The following UBAP2 variants were observed in gnomAD, a reference collection of about 807,000 sequenced individuals.
UBAP2 encodes ubiquitin-associated protein 2.
UBAP2 carries 75 observed loss-of-function variants against 139.6 expected under a neutral mutation model. That is an observed-to-expected ratio of 0.54 (90% CI 0.45 to 0.65). The LOEUF is 0.65. Ranked by LOEUF, UBAP2 falls within the 30% of genes least tolerant of loss-of-function variation. UBAP2 has a pLI of 0.00. For missense variants in UBAP2, 1,368 were observed against 1,369.6 expected, an observed-to-expected ratio of 1.00 and a Z score of 0.02; for synonymous variants, 526 against 526.2, an observed-to-expected ratio of 1.00 and a Z score of 0.01.
At chr9:34,040,592 A>C (rs1330344753) in intron 1 of UBAP2, among the ~76,000 whole-genome samples, 1 of 152,156 alleles carries the variant, frequency 6.6e-6, no homozygotes, top group Non-Finnish European at 1.5e-5. Flanking sequence ...ATTAAAAAGA[A>C]GTTAGCAAGT....
intron 6 of UBAP2, among the ~76,000 whole-genome samples, chr9:33,983,071 G>A (rs987541377): frequency 6.6e-6 from 1 of 151,786 alleles, no homozygotes; most frequent in Admixed American, 6.6e-5. Flanking sequence ...GTAGAGACAG[G>A]GTTTCACTAT....
intron 4 of UBAP2, chr9:33,995,476 AATATATTTATATTATTAAATAT>A (rs1242921752): frequency 0.011 from 1,588 of 138,224 alleles, 40 homozygotes; most frequent in African/African-American, 0.04. Context: ...TAAATATATA[AATATATTTATATTATTAAATAT>A]ATATATTTAT....
chr9:33,972,088 T>TA (rs1183390957), intron 7 of UBAP2, among the ~76,000 whole-genome samples: 2 of 152,188 alleles, frequency 1.3e-5, no homozygotes, highest in African/African-American at 4.8e-5. Context: ...TGCTGAAAAA[T>TA]AAGGCATAAA....
intron 1 of UBAP2, among the ~76,000 whole-genome samples, chr9:34,038,954 C>A (rs1251866832): frequency 1.4e-5 from 2 of 146,214 alleles, no homozygotes; most frequent in South Asian, 2.2e-4. Context: ...ATGTGAGGAG[C>A]GCCTCTGCCC....
intron 1 of UBAP2, among the ~76,000 whole-genome samples, chr9:34,022,592 T>C (rs894929651): frequency 7.9e-5 from 12 of 151,902 alleles, no homozygotes; most frequent in African/African-American, 2.9e-4. Context: ...TGTGCCACCG[T>C]GCCCAGCCGA....
At chr9:33,965,454 G>A (rs1329386700) in intron 8 of UBAP2, among the ~76,000 whole-genome samples, 1 of 152,046 alleles carries the variant, frequency 6.6e-6, no homozygotes, top group Non-Finnish European at 1.5e-5. Context: ...TTGATAAAAT[G>A]TACTTTGTCA....
chr9:33,924,434 G>T, intron 22 of UBAP2, 150 bp from the exon 23 acceptor site: 1 of 760,274 alleles, frequency 1.3e-6, no homozygotes, highest in Non-Finnish European at 2.2e-6. Context: ...AGTAAATGGT[G>T]CCCCTCGGAA....
At chr9:33,923,546 CCAGAGCCTAAGG>C (rs1823130225) in intron 24 of UBAP2, 68 bp from the exon 25 acceptor site, 7 of 1,496,164 alleles carry the variant, frequency 4.7e-6, no homozygotes, top group African/African-American at 1.4e-5. Context: ...GGTACCCCTG[CCAGAGCCTAAGG>C]CAGCAGGTGA....
At chr9:33,931,583 C>T (rs150391628) in intron 19 of UBAP2, among the ~76,000 whole-genome samples, 22 of 152,308 alleles carry the variant, frequency 1.4e-4, no homozygotes, top group Non-Finnish European at 2.4e-4. Context: ...GGTGTCCACA[C>T]TATGCTCTCC....
chr9:33,992,662 G>T (rs956642293), intron 4 of UBAP2, among the ~76,000 whole-genome samples: 4 of 149,628 alleles, frequency 2.7e-5, no homozygotes, highest in African/African-American at 4.9e-5. Flanking sequence ...GGGCGGAGGG[G>T]GGGGGGCACA....
In UBAP2 at chr9:33,933,169, G is replaced by C. The variant is rs189072750; in HGVS notation, c.2108+321C>G. 7.5e-3 allele frequency among the ~76,000 whole-genome samples: 1,144 copies of C among 152,230 alleles called. 11 individuals are homozygous for C. The highest frequency in any genetic ancestry group is 9.3e-3 in the Non-Finnish European group (635 of 68,016). ...CATTCTCATTCCACCTCAGTGACAT[G>C]GGCCCAGCGATGCCCAGAGAGGCTA... On this transcript the variant is annotated intron_variant, in intron 18 of 28. Transcript: ENST00000379238.
intron 10 of UBAP2, 94 bp downstream of exon 10, chr9:33,960,732 A>C (rs1169388828): frequency 1.8e-5 from 22 of 1,250,012 alleles, no homozygotes; most frequent in Non-Finnish European, 2.4e-5. Flanking sequence ...ATGAGCCAAG[A>C]TCACGCCATT....
intron 1 of UBAP2, among the ~76,000 whole-genome samples, chr9:34,029,434 CAGG>C (rs1825695014): frequency 6.6e-6 from 1 of 151,468 alleles, no homozygotes; most frequent in Non-Finnish European, 1.5e-5. Flanking sequence ...GAGGCTGAGG[CAGG>C]AGAATTGCTT....
chr9:33,976,834 TA>T (rs571922360), intron 6 of UBAP2, among the ~76,000 whole-genome samples: 1 of 144,362 alleles, frequency 6.9e-6, no homozygotes. Context: ...CCATCTCTAC[TA>T]AAAAAAATGT....
At chr9:33,935,590 G>C in intron 17 of UBAP2, 1 of 547,992 alleles carries the variant, frequency 1.8e-6, no homozygotes, top group Non-Finnish European at 3.2e-6. Flanking sequence ...AATGCATACT[G>C]TATGCTGCAC....
intron 2 of UBAP2, among the ~76,000 whole-genome samples, chr9:34,000,356 G>A (rs908410093): frequency 6.6e-6 from 1 of 152,218 alleles, no homozygotes; most frequent in East Asian, 1.9e-4. Flanking sequence ...TTCGTTTTCT[G>A]ATGTTTTTAC....
At chr9:33,932,173 T>C (rs530851678) in intron 19 of UBAP2, among the ~76,000 whole-genome samples, 64 of 152,114 alleles carry the variant, frequency 4.2e-4, no homozygotes, top group Admixed American at 1.2e-3. Flanking sequence ...CAGTGCATGT[T>C]TGCTTCCACT....
intron 1 of UBAP2, among the ~76,000 whole-genome samples, chr9:34,043,089 T>C (rs1462097230): frequency 6.6e-6 from 1 of 152,120 alleles, no homozygotes; most frequent in Non-Finnish European, 1.5e-5. Context: ...ACTCTACATA[T>C]GTGTTTACCC....
At chr9:33,925,753 G>A (rs902872096) in intron 22 of UBAP2, among the ~76,000 whole-genome samples, 1 of 152,218 alleles carries the variant, frequency 6.6e-6, no homozygotes, top group African/African-American at 2.4e-5. Flanking sequence ...GCAGAGAAGG[G>A]AGCAACACCC....
Sources: gnomAD v4.1 joint callset for allele counts (sites outside exome capture counted in the v4.1 genomes callset) on GRCh38, gnomAD v4.1.1 for gene constraint, MANE v1.5 for transcripts, NCBI Gene and HGNC (gene_info 2026-07-23, HGNC 2026-07-21) for gene names.